TET3: variants seen among roughly 807,000 people sequenced by gnomAD.
The protein encoded by TET3 is tet methylcytosine dioxygenase 3, also known as methylcytosine dioxygenase TET3.
TET3 carries 19 observed loss-of-function variants against 141.4 expected under a neutral mutation model. The ratio of observed to expected loss-of-function variants is 0.13; its 90% confidence interval spans 0.09 to 0.20. The LOEUF (loss-of-function observed/expected upper bound fraction) is 0.20. Ranked by LOEUF, TET3 falls within the 10% of genes least tolerant of loss-of-function variation. The pLI is 1.00. For missense variants in TET3, 1,874 were observed against 2,356.9 expected (o/e 0.80, Z 4.24); for synonymous variants, 1,043 against 980.9 (o/e 1.06, Z -1.18).
intron 6 of TET3, among the ~76,000 whole-genome samples, chr2:74,086,395 A>G (rs1431749662): frequency 6.6e-6 from 1 of 152,086 alleles, no homozygotes; most frequent in Non-Finnish European, 1.5e-5. Flanking sequence ...AAAAAAAAGT[A>G]GCTTTATTGA....
In TET3 at chr2:74,092,915, G is replaced by A. The variant is rs746623410; in HGVS notation, c.3053G>A (p.Arg1018Gln). The A allele has an allele frequency of 4.4e-6, 7 of 1,589,384 alleles. No homozygotes were observed. The highest frequency in any genetic ancestry group is 1.1e-5 in the South Asian group (1 of 86,998). Residue 1018 changes from arginine to glutamine, a missense_variant, in exon 9 of 12, where the codon CGG becomes CAG. By Grantham distance (43) the Arg-to-Gln change is conservative (BLOSUM62 1). Around this residue, in one of 10 missense-constraint regions of TET3, gnomAD observed 126 missense variants for 327.4 expected, o/e 0.38. Transcript: ENST00000409262. ...GDNPKEEEVL[R>Q]KSFQDLATEV... ...CTCTCTCTGCAGGAAGAAGTGCTCCGGAAGAGTTTCCAGGACCTGGCCACC... is the reference window on the plus strand; with the variant it reads ...CTCTCTCTGCAGGAAGAAGTGCTCCAGAAGAGTTTCCAGGACCTGGCCACC...
Position 74,073,621 on chromosome 2 carries a change from G to A in TET3, c.2567G>A (p.Arg856Gln), listed in dbSNP as rs1460743557. ...TCTGGCCCCACGGTCGCCTCTATCC[G>A]GGAACTCATGGAGGAGCGGTGAGTG... ...LGSGPTVASI[R>Q]ELMEERYGEK... The change falls in exon 5 of 12, where the codon CGG becomes CAG. Residue 856 changes from arginine to glutamine, a missense_variant. Transcript: ENST00000409262. 1 of 1,611,082 alleles carries A rather than the reference G, an allele frequency of 6.2e-7. No homozygotes were observed. Among genetic ancestry groups the A allele is most frequent in the Non-Finnish European group, 8.5e-7 (1 of 1,178,776 alleles).
chr2:74,002,248 T>A (rs1684886281), intron 2 of TET3, among the ~76,000 whole-genome samples: 1 of 152,176 alleles, frequency 6.6e-6, no homozygotes, highest in Non-Finnish European at 1.5e-5. Flanking sequence ...CTGGGCTTTT[T>A]CTTCTTTTTT....
At chr2:74,124,299 T>C in the TET3 span, among the ~76,000 whole-genome samples, 66 of 142,560 alleles carry the variant, frequency 4.6e-4, no homozygotes, top group African/African-American at 1.6e-3. Context: ...CCACCCCGTC[T>C]GGGAGGGAGG....
Position 74,107,390 on chromosome 2 carries a change from G to A in TET3, c.*5214G>A, listed in dbSNP as rs1691557742. 1 of 152,222 alleles carries A rather than the reference G, an allele frequency of 6.6e-6. No individual in the cohort carries two copies. Among genetic ancestry groups the A allele is most frequent in the Admixed American group, 6.5e-5 (1 of 15,280 alleles). The allele number at this position is 152,222 out of a possible 1,614,324, so 9.4% of individuals were successfully genotyped here. ...TCTGATATCAGGGATGCTTTTTGTA[G>A]TGGTATTGTTTGCTCCCTCTTCGCG... On this transcript the variant is annotated 3_prime_UTR_variant, in exon 12 of 12. Coordinates refer to ENST00000409262, the MANE Select transcript of TET3 (RefSeq NM_001287491.2).
In TET3 at chr2:74,011,227, C is replaced by CAAAA. The variant is rs34155044; in HGVS notation, c.360+8077_360+8080dup. 2.9e-3 allele frequency among the ~76,000 whole-genome samples: 274 copies of CAAAA among 94,280 alleles called. 3 individuals carry two copies. The highest frequency in any genetic ancestry group is 8.4e-3 in the African/African-American group (227 of 27,144). 61.9% of individuals were successfully genotyped at this position (94,280 alleles called of 152,430 possible). A position where few individuals can be genotyped will look rare whatever the true frequency, so the allele number is the denominator to read the frequency against. ...TGGGCGACAGAGAGAGACTCCGTTT[C>CAAAA]AAAAAAAAAAAAAAAAAAACACTTT... On this transcript the variant is annotated intron_variant, in intron 3 of 11. Coordinates refer to ENST00000409262, the MANE Select transcript of TET3 (RefSeq NM_001287491.2).
Position 74,093,496 on chromosome 2 carries a change from C to A in TET3, c.3130-33C>A. 1.3e-6 allele frequency: 2 copies of A among 1,565,874 alleles called. No homozygotes were observed. Among genetic ancestry groups the A allele is most frequent in the South Asian group, 1.2e-5 (1 of 83,886 alleles). On this transcript the variant is annotated intron_variant, in intron 9 of 11. Coordinates refer to ENST00000409262, the MANE Select transcript of TET3 (RefSeq NM_001287491.2). The surrounding 1 kb of genome is among the most constrained non-coding windows in gnomAD (Gnocchi z 4.2). Reference sequence around the variant, plus strand: ...AGAATCGGGGCCACTCACCTCAGGTCATGTGAGCACCTCTCCTTGGCTGTC... The same window carrying A: ...AGAATCGGGGCCACTCACCTCAGGTAATGTGAGCACCTCTCCTTGGCTGTC...
chr2:74,125,687 A>G, the TET3 span, among the ~76,000 whole-genome samples: 2 of 149,012 alleles, frequency 1.3e-5, no homozygotes, highest in African/African-American at 5.2e-5. Context: ...AAATTAAAGT[A>G]TGCTAAAATT....
chr2:74,133,697 T>G, the TET3 span, among the ~76,000 whole-genome samples: 37 of 152,254 alleles, frequency 2.4e-4, no homozygotes, highest in Non-Finnish European at 4.4e-5. Context: ...CACTGTGCCC[T>G]ACATGATGTA....
At chr2:73,984,470 C>A (rs11683567), upstream of TET3, among the ~76,000 whole-genome samples, 2,186 of 152,254 alleles carry the variant, frequency 0.014, 37 homozygotes, top group Admixed American at 0.044. The surrounding 1 kb of genome is among the most constrained non-coding windows in gnomAD (Gnocchi z 5.6). Context: ...TCGGGCCCGG[C>A]GCTCAGGCCT....
At chr2:74,069,284 G>A (rs4853009) in intron 4 of TET3, among the ~76,000 whole-genome samples, 42,951 of 149,976 alleles carry the variant, frequency 0.29, 6,468 homozygotes, top group African/African-American at 0.34. Context: ...GATAGGAAAT[G>A]CCATTAGGTA....
At chr2:74,114,682 G>A in the TET3 span, among the ~76,000 whole-genome samples, 3 of 151,096 alleles carry the variant, frequency 2.0e-5, no homozygotes, top group Admixed American at 2.0e-4. Flanking sequence ...TGAAACCCCC[G>A]TCTCTACTGA....
At chr2:74,050,636 A>G (rs1687894916) in intron 4 of TET3, among the ~76,000 whole-genome samples, 1 of 152,080 alleles carries the variant, frequency 6.6e-6, no homozygotes, top group Admixed American at 6.5e-5. Flanking sequence ...TGTAGCCTCC[A>G]CTTCCTGGGC....
chr2:74,129,372 C>T, the TET3 span, among the ~76,000 whole-genome samples: 1 of 144,640 alleles, frequency 6.9e-6, no homozygotes, highest in Admixed American at 7.0e-5. Flanking sequence ...GTGGCTCATG[C>T]CTGTAATCCC....
chr2:74,113,001 C>T (rs1268263443), downstream of TET3, among the ~76,000 whole-genome samples: 6 of 98,090 alleles, frequency 6.1e-5, no homozygotes, highest in African/African-American at 1.3e-4. Context: ...AGTGAGACTC[C>T]GTCTCAAAAA....
At chr2:74,108,745 G>C (rs1691634499), downstream of TET3, among the ~76,000 whole-genome samples, 1 of 152,188 alleles carries the variant, frequency 6.6e-6, no homozygotes, top group South Asian at 2.1e-4. Context: ...AGAGAATAGT[G>C]AATCTGCTTG....
chr2:74,001,364 C>T (rs1161035218), intron 2 of TET3, among the ~76,000 whole-genome samples: 5 of 152,184 alleles, frequency 3.3e-5, no homozygotes, highest in Non-Finnish European at 5.9e-5. Flanking sequence ...AGTCACTTCT[C>T]CCTGGCCTCA....
chr2:74,122,596 C>T, the TET3 span: 1 of 139,164 alleles, frequency 7.2e-6, no homozygotes, highest in East Asian at 2.1e-4. Context: ...TTACTGTAGC[C>T]TCGACCTCCC....
rs1403314102 is a variant in TET3 at position 74,093,454 on chromosome 2, C to G, written c.3130-75C>G. ...TCCTTAACATCCCTCCTTCCAAGACCTGGCCTCCCCAGGTGCAGAATCGGG... is the reference window on the plus strand; with the variant it reads ...TCCTTAACATCCCTCCTTCCAAGACGTGGCCTCCCCAGGTGCAGAATCGGG... On this transcript the variant is annotated intron_variant, in intron 9 of 11. Transcript: ENST00000409262. The surrounding 1 kb of genome is among the most constrained non-coding windows in gnomAD (Gnocchi z 4.2). 2.0e-6 allele frequency: 3 copies of G among 1,481,622 alleles called. No homozygotes were observed. In the African/African-American group the frequency reaches 4.2e-5, roughly 21 times the overall value. 91.8% of individuals were successfully genotyped at this position (1,481,622 alleles called of 1,614,324 possible). A position where few individuals can be genotyped will look rare whatever the true frequency, so the allele number is the denominator to read the frequency against.
Sources: allele counts gnomAD v4.1 joint callset (sites outside exome capture counted in the v4.1 genomes callset), GRCh38; gene constraint gnomAD v4.1.1; regional missense constraint gnomAD v4.1.1; non-coding constraint Gnocchi (gnomAD v3.1); transcripts MANE v1.5; gene names NCBI Gene and HGNC (gene_info 2026-07-23, HGNC 2026-07-21).